The following SPAG16 variants were observed in gnomAD, a reference collection of about 807,000 sequenced individuals.
SPAG16 encodes sperm-associated antigen 16 protein.
Under a neutral mutation model 80.4 loss-of-function variants are expected in SPAG16, and 86 were observed. The ratio of observed to expected loss-of-function variants is 1.07; its 90% CI spans 0.90 to 1.28. The LOEUF (loss-of-function observed/expected upper bound fraction) is 1.28. SPAG16 is among the 50% of genes most tolerant of loss of function. The pLI, the probability that SPAG16 is intolerant of heterozygous loss-of-function variation, is 0.00. For missense variants in SPAG16, 870 were observed against 765.3 expected (o/e 1.14, Z -1.61); for synonymous variants, 294 against 265.9 (o/e 1.11, Z -1.03).
intron 10 of SPAG16, among the ~76,000 whole-genome samples, chr2:213,526,598 T>A (rs2075895731): frequency 6.6e-6 from 1 of 152,196 alleles, no homozygotes; most frequent in Non-Finnish European, 1.5e-5. Flanking sequence ...CTTTTTGGCA[T>A]CTCTTTGTTG....
chr2:214,359,531 T>A (rs960309050), intron 15 of SPAG16, among the ~76,000 whole-genome samples: 4 of 151,962 alleles, frequency 2.6e-5, no homozygotes, highest in Non-Finnish European at 5.9e-5. Flanking sequence ...TCAAAGAGCA[T>A]TTAATTCTCA....
intron 10 of SPAG16, among the ~76,000 whole-genome samples, chr2:213,549,465 T>C (rs1203294906): frequency 1.3e-5 from 2 of 152,184 alleles, no homozygotes; most frequent in Non-Finnish European, 2.9e-5. Flanking sequence ...GAGTCACCTC[T>C]GTTTCTTACT....
At chr2:213,503,698 A>G (rs1269445030) in intron 10 of SPAG16, among the ~76,000 whole-genome samples, 2 of 152,244 alleles carry the variant, frequency 1.3e-5, no homozygotes, top group Non-Finnish European at 2.9e-5. Context: ...AAATCATTAA[A>G]CAAGAACAAT....
At chr2:213,433,915 C>CTTTTTTTTTTTTTT (rs33989475) in intron 9 of SPAG16, among the ~76,000 whole-genome samples, 3 of 85,012 alleles carry the variant, frequency 3.5e-5, no homozygotes, top group African/African-American at 1.3e-4. Context: ...TTTTCTTTGT[C>CTTTTTTTTTTTTTT]TTTTTTTTTT....
intron 9 of SPAG16, among the ~76,000 whole-genome samples, chr2:213,436,419 G>C (rs941354100): frequency 6.6e-6 from 1 of 151,956 alleles, no homozygotes; most frequent in African/African-American, 2.4e-5. Context: ...GTGTAATACT[G>C]TAGACTTATG....
At chr2:213,802,297 T>C (rs1181963336) in intron 10 of SPAG16, among the ~76,000 whole-genome samples, 1 of 152,168 alleles carries the variant, frequency 6.6e-6, no homozygotes, top group Non-Finnish European at 1.5e-5. Context: ...TAGAGACTCA[T>C]TGCCCTTCTT....
At chr2:214,228,409 C>A (rs977862567) in intron 15 of SPAG16, among the ~76,000 whole-genome samples, 7 of 151,662 alleles carry the variant, frequency 4.6e-5, no homozygotes, top group Non-Finnish European at 7.4e-5. Context: ...AAATATTTTA[C>A]CTCATTTTTA....
chr2:213,476,573 G>T (rs1043250896), intron 9 of SPAG16, among the ~76,000 whole-genome samples: 18 of 152,158 alleles, frequency 1.2e-4, no homozygotes, highest in Non-Finnish European at 1.5e-4. Flanking sequence ...AAGAAGCCTC[G>T]GAATGAAAGT....
intron 14 of SPAG16, among the ~76,000 whole-genome samples, chr2:214,143,011 T>C (rs1487170470): frequency 1.3e-5 from 2 of 152,180 alleles, no homozygotes; most frequent in Non-Finnish European, 2.9e-5. Flanking sequence ...CCTGTCATCC[T>C]GTCCTCAAAC....
chr2:213,782,375 G>A (rs984126574), intron 10 of SPAG16, among the ~76,000 whole-genome samples: 13 of 151,986 alleles, frequency 8.6e-5, no homozygotes, highest in Non-Finnish European at 1.5e-4. Flanking sequence ...TATATAGTGA[G>A]GTATGGTACC....
intron 15 of SPAG16, among the ~76,000 whole-genome samples, chr2:214,153,336 G>T (rs1169043646): frequency 1.3e-5 from 2 of 152,158 alleles, no homozygotes; most frequent in East Asian, 3.9e-4. Context: ...TTTTTCCTAG[G>T]TCATGATTAT....
intron 10 of SPAG16, among the ~76,000 whole-genome samples, chr2:213,581,299 C>A (rs1157376435): frequency 6.6e-6 from 1 of 152,026 alleles, no homozygotes; most frequent in Non-Finnish European, 1.5e-5. Flanking sequence ...TTCATTGTAG[C>A]CTCAAGCTCC....
At chr2:214,053,061 T>G (rs948670422) in intron 13 of SPAG16, among the ~76,000 whole-genome samples, 2 of 152,130 alleles carry the variant, frequency 1.3e-5, no homozygotes, top group Admixed American at 6.6e-5. Flanking sequence ...AAAAATTGAT[T>G]TAAGACATGA....
intron 15 of SPAG16, among the ~76,000 whole-genome samples, chr2:214,388,936 A>C (rs1317588821): frequency 6.6e-6 from 1 of 152,178 alleles, no homozygotes; most frequent in Non-Finnish European, 1.5e-5. Context: ...CCACAAGACA[A>C]TCAGATAAGA....
chr2:214,279,207 C>T (rs2125910344), intron 15 of SPAG16, among the ~76,000 whole-genome samples: 1 of 151,764 alleles, frequency 6.6e-6, no homozygotes, highest in Admixed American at 6.6e-5. Context: ...AACGATTCTC[C>T]TGCCTCAGCC....
chr2:213,824,824 G>T (rs528579812), intron 10 of SPAG16, among the ~76,000 whole-genome samples: 11 of 152,202 alleles, frequency 7.2e-5, no homozygotes, highest in African/African-American at 2.2e-4. Context: ...ATTTCTTTGG[G>T]TAATATGGAC....
chr2:213,669,711 T>C (rs2063745862), intron 10 of SPAG16, among the ~76,000 whole-genome samples: 1 of 152,222 alleles, frequency 6.6e-6, no homozygotes. Context: ...AGTGTTCTGT[T>C]GGAATGAAAG....
intron 10 of SPAG16, among the ~76,000 whole-genome samples, chr2:213,655,717 G>C (rs116088743): frequency 7.0e-4 from 107 of 152,128 alleles, no homozygotes; most frequent in Middle Eastern, 3.4e-3. Context: ...TTTCTTGTTG[G>C]TTCCCCTTGG....
intron 15 of SPAG16, among the ~76,000 whole-genome samples, chr2:214,380,750 C>T (rs1037693793): frequency 6.6e-6 from 1 of 152,196 alleles, no homozygotes; most frequent in African/African-American, 2.4e-5. Context: ...TGATAAGCAC[C>T]ACAGCATGTC....
Sources: gnomAD v4.1 joint callset for allele counts (sites outside exome capture counted in the v4.1 genomes callset) on GRCh38, gnomAD v4.1.1 for gene constraint, MANE v1.5 for transcripts, NCBI Gene and HGNC (gene_info 2026-07-23, HGNC 2026-07-21) for gene names.